The following FBXO31 variants were observed in gnomAD, a reference collection of about 807,000 sequenced individuals.
The protein encoded by FBXO31 is F-box only protein 31.
A neutral mutation model predicts 54.4 loss-of-function variants in FBXO31; 24 were observed. The ratio of observed to expected loss-of-function variants is 0.44; its 90% CI spans 0.32 to 0.62. The LOEUF (loss-of-function observed/expected upper bound fraction) is 0.62, where lower values mean the gene tolerates loss of function less well. Ranked by LOEUF, FBXO31 falls within the 20% of genes least tolerant of loss-of-function variation. The pLI, the probability that FBXO31 is intolerant of heterozygous loss-of-function variation, is 0.05. For missense variants in FBXO31, 665 were observed against 787.1 expected (o/e 0.84, Z 1.86); for synonymous variants, 388 against 335.6 (o/e 1.16, Z -1.71).
At chr16:87,369,777 T>C (rs763881868) in intron 1 of FBXO31, among the ~76,000 whole-genome samples, 44 of 152,234 alleles carry the variant, frequency 2.9e-4, no homozygotes, top group Admixed American at 6.5e-5. Context: ...CTATTTTTCA[T>C]AAATTTCTCT....
intron 1 of FBXO31, chr16:87,367,090 A>C (rs939565929): frequency 1.3e-5 from 2 of 152,260 alleles, no homozygotes; most frequent in East Asian, 3.9e-4. Flanking sequence ...AGGATTCTTG[A>C]GCCCAGGAGT....
chr16:87,362,381 C>T (rs963936880), intron 1 of FBXO31, among the ~76,000 whole-genome samples: 2 of 151,760 alleles, frequency 1.3e-5, no homozygotes, highest in Admixed American at 6.6e-5. Context: ...AACATACATA[C>T]ATACATACAT....
intron 2 of FBXO31, 73 bp from the exon 3 acceptor site, chr16:87,347,323 G>A: frequency 2.3e-6 from 3 of 1,298,038 alleles, no homozygotes; most frequent in East Asian, 2.3e-5. Context: ...AACCCCGAGA[G>A]GGAGGAAGGA....
chr16:87,363,884 C>G (rs1051175354), intron 1 of FBXO31, among the ~76,000 whole-genome samples: 1 of 152,230 alleles, frequency 6.6e-6, no homozygotes, highest in Non-Finnish European at 1.5e-5. Context: ...ACCGGATCAT[C>G]TGTCAGCTCC....
At chr16:87,343,871 A>T in intron 3 of FBXO31, 106 bp from the exon 4 acceptor site, 1 of 1,255,928 alleles carries the variant, frequency 8.0e-7, no homozygotes, top group Non-Finnish European at 1.1e-6. Context: ...CTCCTGCCAG[A>T]CCAGCACATG....
At chr16:87,355,501 T>C (rs1186144793) in intron 2 of FBXO31, among the ~76,000 whole-genome samples, 1 of 152,254 alleles carries the variant, frequency 6.6e-6, no homozygotes, top group East Asian at 1.9e-4. Flanking sequence ...CCTGATATTC[T>C]AGTAGGTCAT....
chr16:87,349,603 C>T (rs531951966), intron 2 of FBXO31, among the ~76,000 whole-genome samples: 12 of 151,918 alleles, frequency 7.9e-5, no homozygotes, highest in Middle Eastern at 3.4e-3. Flanking sequence ...CCCAGCTACT[C>T]GGGAGGCTGA....
At chr16:87,370,020 C>T (rs1408322640) in intron 1 of FBXO31, among the ~76,000 whole-genome samples, 1 of 152,172 alleles carries the variant, frequency 6.6e-6, no homozygotes, top group African/African-American at 2.4e-5. Context: ...ATCTTCTTGT[C>T]CAACAGAGCT....
chr16:87,365,532 C>T (rs1369813969), intron 1 of FBXO31, among the ~76,000 whole-genome samples: 1 of 152,154 alleles, frequency 6.6e-6, no homozygotes, highest in African/African-American at 2.4e-5. Context: ...CTTGGGAGCT[C>T]GGCAGGGAGT....
chr16:87,376,386 G>A (rs1003891050), intron 1 of FBXO31, among the ~76,000 whole-genome samples: 14 of 151,450 alleles, frequency 9.2e-5, no homozygotes, highest in African/African-American at 3.2e-4. Flanking sequence ...CTATTCTCCT[G>A]CCTCAGTCAC....
chr16:87,389,388 C>A (rs948934502), intron 1 of FBXO31, among the ~76,000 whole-genome samples: 3 of 152,182 alleles, frequency 2.0e-5, no homozygotes, highest in Non-Finnish European at 1.5e-5. Flanking sequence ...CATTACTACA[C>A]AACTGTCGAT....
intron 2 of FBXO31, among the ~76,000 whole-genome samples, chr16:87,359,247 T>C (rs1050032313): frequency 6.6e-6 from 1 of 152,202 alleles, no homozygotes. Context: ...CCCAATGCCC[T>C]GTCCTCCTAT....
At chr16:87,357,516 A>G (rs1905948928) in intron 2 of FBXO31, among the ~76,000 whole-genome samples, 1 of 152,004 alleles carries the variant, frequency 6.6e-6, no homozygotes, top group African/African-American at 2.4e-5. Flanking sequence ...TTTAGTAGAG[A>G]TGAGTTTCAC....
At chr16:87,357,597 G>A (rs1905953042) in intron 2 of FBXO31, among the ~76,000 whole-genome samples, 2 of 151,848 alleles carry the variant, frequency 1.3e-5, no homozygotes, top group South Asian at 2.1e-4. Context: ...CAAAGCACTG[G>A]GATTACAGGC....
chr16:87,360,290 C>T lies in FBXO31; in HGVS notation c.412+5G>A, dbSNP rs1368952105. On this transcript the variant is annotated splice_donor_5th_base_variant and intron_variant, in intron 2 of 8. Transcript: ENST00000311635. ...TCATGGATGGTAACAAATAGATTCA[C>T]TCACGCTTCGCATAGACGTCCCGAC... is the stretch of plus-strand genomic sequence containing the variant. 1.2e-6 allele frequency: 2 copies of T among 1,613,802 alleles called. No homozygotes were observed. Among genetic ancestry groups the T allele is most frequent in the African/African-American group, 1.3e-5 (1 of 74,952 alleles).
rs376572462 is a variant in FBXO31, at chr16:87,361,029, C to T, written c.341-663G>A. 2.6e-5 allele frequency among the ~76,000 whole-genome samples: 4 copies of T among 152,212 alleles called. No homozygotes were observed. In the East Asian group the frequency reaches 5.8e-4, roughly 22 times the overall value. ...TTTTCACAATCACCAACACCCAGCA[C>T]GTCCCAAGCAAAATCCCAGGTCCTC... On this transcript the variant is annotated intron_variant, in intron 1 of 8. Transcript: ENST00000311635.
At position 87,383,323 on chromosome 16, in the gene FBXO31, G is replaced by T; in HGVS notation, c.340+82C>A. 1 of 1,242,840 alleles carries T rather than the reference G, an allele frequency of 8.0e-7. No homozygotes were observed. Among genetic ancestry groups the T allele is most frequent in the Non-Finnish European group, 1.1e-6 (1 of 943,176 alleles). 77.0% of individuals were successfully genotyped at this position (1,242,840 alleles called of 1,614,324 possible). On this transcript the variant is annotated intron_variant, in intron 1 of 8. Transcript: ENST00000311635. The surrounding 1 kb of genome is among the most constrained non-coding windows in gnomAD (Gnocchi z 4.9). Reference sequence around the variant, plus strand: ...CTGGTGGCCCCCGGCCGGGGCCACCGCCCCCGCCACTCCCAGCTCCGAGGC... The same window carrying T: ...CTGGTGGCCCCCGGCCGGGGCCACCTCCCCCGCCACTCCCAGCTCCGAGGC...
At chr16:87,368,305 CAT>C (rs1036946839) in intron 1 of FBXO31, among the ~76,000 whole-genome samples, 6 of 152,196 alleles carry the variant, frequency 3.9e-5, no homozygotes, top group African/African-American at 1.2e-4. Flanking sequence ...ATATTTTCCA[CAT>C]GATGAAAAAA....
upstream of FBXO31, among the ~76,000 whole-genome samples, chr16:87,391,283 G>A (rs1211278586): frequency 6.6e-6 from 1 of 152,118 alleles, no homozygotes; most frequent in Non-Finnish European, 1.5e-5. Flanking sequence ...TTCCAGGCTG[G>A]GCAACAGAGC....
Sources: gnomAD v4.1 joint callset for allele counts (sites outside exome capture counted in the v4.1 genomes callset) on GRCh38, gnomAD v4.1.1 for gene constraint, Gnocchi (gnomAD v3.1) non-coding constraint, MANE v1.5 for transcripts, NCBI Gene and HGNC (gene_info 2026-07-23, HGNC 2026-07-21) for gene names.